The following SAMD4A variants were observed in gnomAD, a reference collection of about 807,000 sequenced individuals.
The protein encoded by SAMD4A is protein Smaug homolog 1.
Under a neutral mutation model 81.3 loss-of-function variants are expected in SAMD4A, and 33 were observed. The ratio of observed to expected loss-of-function variants is 0.41; its 90% CI spans 0.31 to 0.54. The LOEUF (loss-of-function observed/expected upper bound fraction) is 0.54. SAMD4A is among the 20% of genes least tolerant of loss of function. SAMD4A has a pLI of 0.37. For synonymous variants in SAMD4A, 389 were observed against 382.1 expected (o/e 1.02, Z -0.21); for missense variants, 854 against 951.1 (o/e 0.90, Z 1.34).
Position 54,684,046 on chromosome 14 carries a change from T to A in SAMD4A, c.197-18016T>A, listed in dbSNP as rs548014291. Among the ~76,000 whole-genome samples, 82 of 152,374 alleles carry A rather than the reference T, an allele frequency of 5.4e-4. 1 individual carries two copies. Among genetic ancestry groups the A allele is most frequent in the African/African-American group, 1.9e-3 (78 of 41,584 alleles). ...AGAGATTTTAAAGTCAGGCCTGGTT[T>A]TAATTTATTTGTGGTTATTCTAACT... On this transcript the variant is annotated intron_variant, in intron 2 of 12. Coordinates refer to ENST00000554335, the MANE Select transcript of SAMD4A (RefSeq NM_015589.6).
chr14:54,596,606 G>C (rs1349792044), intron 2 of SAMD4A, among the ~76,000 whole-genome samples: 1 of 152,144 alleles, frequency 6.6e-6, no homozygotes. Context: ...AACAAGGAAA[G>C]AACTATAGGA....
chr14:54,598,233 G>A (rs1367705425), intron 2 of SAMD4A, among the ~76,000 whole-genome samples: 2 of 152,182 alleles, frequency 1.3e-5, no homozygotes, highest in African/African-American at 2.4e-5. Context: ...CAGTGTGTTT[G>A]TGGGTCCTTG....
At chr14:54,737,674 G>T (rs2037734926) in intron 4 of SAMD4A, among the ~76,000 whole-genome samples, 1 of 151,336 alleles carries the variant, frequency 6.6e-6, no homozygotes, top group Non-Finnish European at 1.5e-5. Context: ...TGTGGCCAGG[G>T]ACCTGTCAGT....
At chr14:54,708,422 A>G (rs954849053) in intron 3 of SAMD4A, among the ~76,000 whole-genome samples, 3 of 152,220 alleles carry the variant, frequency 2.0e-5, no homozygotes, top group Non-Finnish European at 4.4e-5. Context: ...AGTGGGATAT[A>G]TGAGTGTGCA....
chr14:54,699,235 T>G (rs574741999), intron 2 of SAMD4A, among the ~76,000 whole-genome samples: 15 of 152,346 alleles, frequency 9.8e-5, no homozygotes, highest in Admixed American at 3.9e-4. Context: ...TGGTATTTGC[T>G]GAAGATGAAT....
At chr14:54,712,299 A>C (rs1437037186) in intron 3 of SAMD4A, among the ~76,000 whole-genome samples, 1 of 151,592 alleles carries the variant, frequency 6.6e-6, no homozygotes, top group Admixed American at 6.6e-5. Context: ...TCCTCCCAAA[A>C]ATCTAGCCAA....
At chr14:54,784,846 G>T (rs1378404527) in intron 12 of SAMD4A, among the ~76,000 whole-genome samples, 2 of 152,214 alleles carry the variant, frequency 1.3e-5, no homozygotes, top group Non-Finnish European at 2.9e-5. Context: ...TTTCTGGGAG[G>T]TGAGTCAGGG....
chr14:54,739,055 C>CTTTTCTTTT (rs5741994), intron 4 of SAMD4A, among the ~76,000 whole-genome samples: 1 of 97,346 alleles, frequency 1.0e-5, no homozygotes, highest in Non-Finnish European at 1.8e-5. Flanking sequence ...CTTTCCTTTT[C>CTTTTCTTTT]TTTTTTTTTT....
Position 54,675,367 on chromosome 14 carries a change from C to CAAAAAAAAAAAAAAA in SAMD4A, c.197-26689_197-26675dup, listed in dbSNP as rs59110762. Among the ~76,000 whole-genome samples the CAAAAAAAAAAAAAAA allele has an allele frequency of 8.3e-3, 623 of 75,310 alleles. 41 individuals carry two copies. Among genetic ancestry groups the CAAAAAAAAAAAAAAA allele is most frequent in the Middle Eastern group, 0.037 (3 of 82 alleles). 49.4% of individuals were successfully genotyped at this position (75,310 alleles called of 152,430 possible). A position where few individuals can be genotyped will look rare whatever the true frequency, so the allele number is the denominator to read the frequency against. Reference sequence around the variant, plus strand: ...GGCAACAAGAGTGAAACTCCGTCTCCAAAAAAAAAAAAAAAAAAAAGGCAG... The same window carrying CAAAAAAAAAAAAAAA: ...GGCAACAAGAGTGAAACTCCGTCTCCAAAAAAAAAAAAAAAAAAAAAAAAAAAAAAAAAAAGGCAG... On this transcript the variant is annotated intron_variant, in intron 2 of 12. Transcript: ENST00000554335.
chr14:54,782,635 G>C lies in SAMD4A; in HGVS notation c.2045-1902G>C, dbSNP rs560808161. Reference sequence around the variant, plus strand: ...TTGTCTTCCAAACCCATCGATGCCGGAACATGGGTCAGGAAGAACACAGTC... The same window carrying C: ...TTGTCTTCCAAACCCATCGATGCCGCAACATGGGTCAGGAAGAACACAGTC... On this transcript the variant is annotated intron_variant, in intron 11 of 12. Coordinates refer to ENST00000554335, the MANE Select transcript of SAMD4A (RefSeq NM_015589.6). Among the ~76,000 whole-genome samples, 4 of 152,312 alleles carry C rather than the reference G, an allele frequency of 2.6e-5. No homozygotes were observed. In the East Asian group the frequency reaches 7.7e-4, roughly 29 times the overall value.
chr14:54,641,776 CA>C (rs2035179171), intron 2 of SAMD4A, among the ~76,000 whole-genome samples: 1 of 152,100 alleles, frequency 6.6e-6, no homozygotes, highest in Non-Finnish European at 1.5e-5. Context: ...AGGCTTTTAT[CA>C]AGAAGTCAGT....
chr14:54,744,688 C>G (rs1215078134), intron 4 of SAMD4A, among the ~76,000 whole-genome samples: 1 of 152,192 alleles, frequency 6.6e-6, no homozygotes, highest in East Asian at 1.9e-4. Context: ...TCTCTCCTTG[C>G]ACTTCCCCCT....
intron 3 of SAMD4A, among the ~76,000 whole-genome samples, chr14:54,716,630 G>A (rs1027960757): frequency 3.9e-5 from 6 of 152,138 alleles, no homozygotes; most frequent in Admixed American, 2.6e-4. Flanking sequence ...TTAAATGGGG[G>A]TAAGGTCCTC....
In SAMD4A at chr14:54,602,323, T is replaced by TACACACACAC. The variant is rs3049830; in HGVS notation, c.196+34254_196+34263dup. Among the ~76,000 whole-genome samples the TACACACACAC allele has an allele frequency of 5.2e-4, 71 of 136,636 alleles. 1 individual carries two copies. The highest frequency in any genetic ancestry group is 1.2e-3 in the South Asian group (5 of 4,006). The allele number at this position is 136,636 out of a possible 152,430, so 89.6% of individuals were successfully genotyped here. On this transcript the variant is annotated intron_variant, in intron 2 of 12. Coordinates refer to ENST00000554335, the MANE Select transcript of SAMD4A (RefSeq NM_015589.6). The stretch of plus-strand genomic sequence containing the variant: ...CCATTGCTAGAGGACTGCTTTAAAA[T>TACACACACAC]ACACACACACACACACACACACACA...
At chr14:54,643,948 G>T (rs1019700864) in intron 2 of SAMD4A, among the ~76,000 whole-genome samples, 5 of 152,172 alleles carry the variant, frequency 3.3e-5, no homozygotes, top group African/African-American at 1.2e-4. Context: ...GCTTCACACT[G>T]GGCGGGGAAG....
intron 7 of SAMD4A, 68 bp from the exon 8 acceptor site, chr14:54,764,387 T>G: frequency 1.9e-6 from 2 of 1,063,316 alleles, no homozygotes; most frequent in Non-Finnish European, 2.8e-6. Flanking sequence ...TGAAGGGAAA[T>G]GAGAGTCAGG....
chr14:54,601,122 A>G (rs1054936343), intron 2 of SAMD4A, among the ~76,000 whole-genome samples: 7 of 152,190 alleles, frequency 4.6e-5, no homozygotes, highest in Non-Finnish European at 1.0e-4. Context: ...CCTCCTGACG[A>G]ATCCATCTGC....
intron 11 of SAMD4A, among the ~76,000 whole-genome samples, chr14:54,776,804 A>AGAT (rs1167569249): frequency 6.6e-6 from 1 of 152,160 alleles, no homozygotes; most frequent in African/African-American, 2.4e-5. Context: ...ATTAAACCAG[A>AGAT]GATAGCACAA....
intron 2 of SAMD4A, among the ~76,000 whole-genome samples, chr14:54,648,330 A>G (rs778190183): frequency 4.6e-5 from 7 of 152,194 alleles, no homozygotes; most frequent in Non-Finnish European, 1.0e-4. Context: ...GTGCTGGGGA[A>G]CACGGGAGGA....
Sources: allele counts gnomAD v4.1 joint callset (sites outside exome capture counted in the v4.1 genomes callset), GRCh38; gene constraint gnomAD v4.1.1; transcripts MANE v1.5; gene names NCBI Gene and HGNC (gene_info 2026-07-23, HGNC 2026-07-21).